The following CAPZB variants were observed in gnomAD, a reference collection of about 807,000 sequenced individuals.
CAPZB encodes F-actin-capping protein subunit beta.
In CAPZB, 2 loss-of-function variants were observed where a neutral mutation model predicts 38.1. The observed-to-expected ratio is 0.05, with a 90% confidence interval of 0.02 to 0.17. The LOEUF (loss-of-function observed/expected upper bound fraction) is 0.17. Among genes scored for constraint, CAPZB ranks in the 10% least tolerant of loss-of-function variants. CAPZB has a pLI of 1.00. For synonymous variants in CAPZB, 107 were observed against 127.4 expected, an observed-to-expected ratio of 0.84 and a Z score of 1.08; for missense variants, 161 against 334.2, an observed-to-expected ratio of 0.48 and a Z score of 4.04.
chr1:19,382,616 G>A (rs2094181547), intron 3 of CAPZB, among the ~76,000 whole-genome samples: 1 of 152,108 alleles, frequency 6.6e-6, no homozygotes, highest in Non-Finnish European at 1.5e-5. Flanking sequence ...AAAGGCCTGA[G>A]ATCCCCCAGA....
intron 1 of CAPZB, among the ~76,000 whole-genome samples, chr1:19,461,657 G>A (rs1449146875): frequency 6.6e-6 from 1 of 152,200 alleles, no homozygotes; most frequent in African/African-American, 2.4e-5. Flanking sequence ...CTTAAAATAA[G>A]AGTTTTAAGT....
intron 1 of CAPZB, among the ~76,000 whole-genome samples, chr1:19,420,776 C>T: frequency 6.6e-6 from 1 of 152,126 alleles, no homozygotes; most frequent in Admixed American, 6.5e-5. Flanking sequence ...ACCATACTCT[C>T]CTCACAGTAC....
At chr1:19,350,457 T>A (rs1464368608) in intron 6 of CAPZB, among the ~76,000 whole-genome samples, 1 of 152,232 alleles carries the variant, frequency 6.6e-6, no homozygotes, top group Non-Finnish European at 1.5e-5. Flanking sequence ...GTGCTGTGGG[T>A]TGGAGGTCAG....
rs115592639 is a variant in CAPZB, at chr1:19,371,904, G to A, written c.329+6636C>T. 2.4e-3 allele frequency among the ~76,000 whole-genome samples: 370 copies of A among 152,348 alleles called. 1 individual carries two copies. Among genetic ancestry groups the A allele is most frequent in the African/African-American group, 6.7e-3 (278 of 41,572 alleles). Reference sequence around the variant, plus strand: ...CAATGTTCCTCAAACATCAAATGGCGGGAAGGAGCAGGAACAACTGCAGTT... The same window carrying A: ...CAATGTTCCTCAAACATCAAATGGCAGGAAGGAGCAGGAACAACTGCAGTT... On this transcript the variant is annotated intron_variant, in intron 4 of 8. Transcript: ENST00000264202.
intron 1 of CAPZB, among the ~76,000 whole-genome samples, chr1:19,477,338 G>C (rs2094610428): frequency 6.6e-6 from 1 of 152,230 alleles, no homozygotes; most frequent in Non-Finnish European, 1.5e-5. Flanking sequence ...GTGCCCAAAA[G>C]AGATTTCAGG....
intron 2 of CAPZB, among the ~76,000 whole-genome samples, chr1:19,409,468 T>G (rs747794781): frequency 4.6e-5 from 7 of 152,326 alleles, no homozygotes; most frequent in Middle Eastern, 6.8e-3. Flanking sequence ...TTTCACATAT[T>G]AGGCGTTTGT....
chr1:19,356,964 C>A lies in CAPZB; in HGVS notation c.472-213G>T, dbSNP rs1178045538. Among the ~76,000 whole-genome samples the A allele has an allele frequency of 6.6e-6, 1 of 152,032 alleles. No homozygotes were observed. The highest frequency in any genetic ancestry group is 1.5e-5 in the Non-Finnish European group (1 of 68,006). On this transcript the variant is annotated intron_variant, in intron 5 of 8. Coordinates refer to ENST00000264202, the MANE Select transcript of CAPZB (RefSeq NM_004930.5). This position sits in a 1 kb window ranked among gnomAD's most constrained non-coding sequence, Gnocchi z 4.3. ...GCAGCCTCCACCTCCCAGGTTCAAG[C>A]GATTCTCCTGCCTCAGCCTCCCAAG...
At chr1:19,397,205 C>T (rs1461308198) in intron 2 of CAPZB, among the ~76,000 whole-genome samples, 2 of 152,126 alleles carry the variant, frequency 1.3e-5, no homozygotes, top group South Asian at 2.1e-4. Context: ...GGTCATAATT[C>T]CCAAGAACCT....
intron 8 of CAPZB, chr1:19,342,725 G>T: frequency 7.1e-7 from 1 of 1,411,570 alleles, no homozygotes; most frequent in Non-Finnish European, 1.0e-6. Flanking sequence ...TTAGTGGGGA[G>T]GGTCTCGCGG....
intron 2 of CAPZB, among the ~76,000 whole-genome samples, chr1:19,408,378 A>T (rs1227186439): frequency 7.2e-5 from 11 of 152,258 alleles, no homozygotes; most frequent in Non-Finnish European, 1.3e-4. Context: ...GCTTTCGGAA[A>T]CTGTGGGAGA....
intron 1 of CAPZB, among the ~76,000 whole-genome samples, chr1:19,463,651 GA>G (rs926133380): frequency 5.9e-5 from 9 of 152,138 alleles, no homozygotes; most frequent in African/African-American, 2.2e-4. Context: ...ACTTTCCTTT[GA>G]GGCCCCAGGA....
At chr1:19,340,668 C>T (rs1437492105) in intron 8 of CAPZB, among the ~76,000 whole-genome samples, 1 of 146,410 alleles carries the variant, frequency 6.8e-6, no homozygotes, top group East Asian at 1.9e-4. Flanking sequence ...CCCATCTCTA[C>T]AACGACAACA....
chr1:19,440,007 T>G (rs1477658025), intron 1 of CAPZB, among the ~76,000 whole-genome samples: 2 of 152,130 alleles, frequency 1.3e-5, no homozygotes, highest in East Asian at 3.9e-4. Context: ...GACCACAGCG[T>G]GGCCAGGTGG....
chr1:19,406,364 G>A (rs1020628479), intron 2 of CAPZB, among the ~76,000 whole-genome samples: 6 of 152,244 alleles, frequency 3.9e-5, no homozygotes, highest in East Asian at 1.9e-4. Flanking sequence ...TTGTTACCAC[G>A]GATGCTTCCG....
At chr1:19,346,079 C>A (rs907955627) in intron 6 of CAPZB, among the ~76,000 whole-genome samples, 1 of 152,150 alleles carries the variant, frequency 6.6e-6, no homozygotes, top group African/African-American at 2.4e-5. Context: ...TTATCTGAAG[C>A]CTTATTTCCC....
chr1:19,411,599 C>T (rs1437552917), intron 2 of CAPZB, among the ~76,000 whole-genome samples: 2 of 152,228 alleles, frequency 1.3e-5, no homozygotes, highest in African/African-American at 4.8e-5. Context: ...CTTTCTCTTG[C>T]ACTCCTCTCT....
chr1:19,365,229 T>C (rs2100355524), intron 4 of CAPZB, among the ~76,000 whole-genome samples: 1 of 152,306 alleles, frequency 6.6e-6, no homozygotes, highest in East Asian at 1.9e-4. Flanking sequence ...AGAATATCAC[T>C]TTCCACTCAA....
intron 2 of CAPZB, among the ~76,000 whole-genome samples, chr1:19,386,289 C>T (rs776479734): frequency 1.3e-5 from 2 of 152,188 alleles, no homozygotes; most frequent in Non-Finnish European, 2.9e-5. Flanking sequence ...GCCAATGTTG[C>T]GACTCTGACA....
chr1:19,452,445 G>A (rs558918101), intron 1 of CAPZB, among the ~76,000 whole-genome samples: 7 of 152,182 alleles, frequency 4.6e-5, no homozygotes, highest in African/African-American at 2.4e-5. Flanking sequence ...AAACATTCCC[G>A]GAACAATTCT....
Sources: gnomAD v4.1 joint callset for allele counts (sites outside exome capture counted in the v4.1 genomes callset) on GRCh38, gnomAD v4.1.1 for gene constraint, Gnocchi (gnomAD v3.1) non-coding constraint, MANE v1.5 for transcripts, NCBI Gene and HGNC (gene_info 2026-07-23, HGNC 2026-07-21) for gene names.